The following UBE3A variants were observed in gnomAD, a reference collection of about 807,000 sequenced individuals.
UBE3A encodes the protein ubiquitin-protein ligase E3A.
UBE3A carries 6 observed loss-of-function variants against 83.4 expected under a neutral mutation model. That is an observed-to-expected ratio of 0.07 (90% CI 0.04 to 0.14). The LOEUF (loss-of-function observed/expected upper bound fraction) is 0.14, where lower values mean the gene tolerates loss of function less well. Among genes scored for constraint, UBE3A ranks in the 10% least tolerant of loss-of-function variants. The pLI, the probability that UBE3A is intolerant of heterozygous loss-of-function variation, is 1.00. For missense variants in UBE3A, 456 were observed against 1,036.1 expected, an observed-to-expected ratio of 0.44 and a Z score of 7.69; for synonymous variants, 337 against 355.4, an observed-to-expected ratio of 0.95 and a Z score of 0.58.
intron 1 of UBE3A, among the ~76,000 whole-genome samples, chr15:25,414,552 C>T (rs2153100841): frequency 6.6e-6 from 1 of 152,196 alleles, no homozygotes; most frequent in Middle Eastern, 3.4e-3. Flanking sequence ...AAAGGAAAAC[C>T]ATTCTTTATG....
At chr15:25,392,676 A>C (rs2084673984) in intron 4 of UBE3A, among the ~76,000 whole-genome samples, 1 of 152,162 alleles carries the variant, frequency 6.6e-6, no homozygotes, top group African/African-American at 2.4e-5. Context: ...AGCTGATGAC[A>C]CTATGGGTGG....
rs985098430 is a variant in UBE3A, at chr15:25,338,307, A to G, written c.*830T>C. 2.6e-5 allele frequency: 4 copies of G among 152,182 alleles called. No individual in the cohort carries two copies. The highest frequency in any genetic ancestry group is 9.7e-5 in the African/African-American group (4 of 41,446). 9.4% of individuals were successfully genotyped at this position (152,182 alleles called of 1,614,324 possible). Reference sequence around the variant, plus strand: ...TTTGGCCAAATGCACTTTCCCCAGTAAACTTAAAACAACAACGAGAACAAC... The same window carrying G: ...TTTGGCCAAATGCACTTTCCCCAGTGAACTTAAAACAACAACGAGAACAAC... On this transcript the variant is annotated 3_prime_UTR_variant, in exon 13 of 13. Transcript: ENST00000648336.
At chr15:25,432,307 A>G (rs1893708876) in intron 1 of UBE3A, among the ~76,000 whole-genome samples, 1 of 152,234 alleles carries the variant, frequency 6.6e-6, no homozygotes, top group African/African-American at 2.4e-5. Context: ...CTGCATCACA[A>G]AGATTATAAA....
intron 5 of UBE3A, chr15:25,373,534 T>C (rs889665412): frequency 2.0e-5 from 3 of 152,272 alleles, no homozygotes; most frequent in Non-Finnish European, 4.4e-5. Context: ...TGGAATGCAG[T>C]GGCACCATTT....
At chr15:25,341,107 T>G (rs1408159399) in intron 11 of UBE3A, among the ~76,000 whole-genome samples, 1 of 152,076 alleles carries the variant, frequency 6.6e-6, no homozygotes, top group Non-Finnish European at 1.5e-5. Flanking sequence ...TCTTGCTCTG[T>G]CGCTCAGGCT....
rs1300368392 is a variant in UBE3A at position 25,334,029 on chromosome 15, A to G, written c.*5108T>C. 1 of 152,144 alleles carries G rather than the reference A, an allele frequency of 6.6e-6. No homozygotes were observed. The highest frequency in any genetic ancestry group is 1.5e-5 in the Non-Finnish European group (1 of 68,026). 9.4% of individuals were successfully genotyped at this position (152,144 alleles called of 1,614,324 possible). ...GACTGAATGCTTTCCCCTTAAAATC[A>G]GGAACAAGAAAAAGATGTCTGCTCT... On this transcript the variant is annotated 3_prime_UTR_variant, in exon 13 of 13. Coordinates refer to ENST00000648336, the MANE Select transcript of UBE3A (RefSeq NM_130839.5).
At chr15:25,376,924 G>C (rs1277741989) in intron 4 of UBE3A, among the ~76,000 whole-genome samples, 6 of 152,114 alleles carry the variant, frequency 3.9e-5, no homozygotes, top group Non-Finnish European at 7.4e-5. Context: ...CAACACTAAA[G>C]AGTCTATGCT....
Position 25,388,730 on chromosome 15 carries a change from A to G in UBE3A, c.63-12967T>C, listed in dbSNP as rs183920433. Reference sequence around the variant, plus strand: ...ATTGAAAAAAAGAAAAAGAAAAACAACAAAAACCTCCTAGAACTAATAAGT... The same window carrying G: ...ATTGAAAAAAAGAAAAAGAAAAACAGCAAAAACCTCCTAGAACTAATAAGT... On this transcript the variant is annotated intron_variant, in intron 4 of 12. Transcript: ENST00000648336. Among the ~76,000 whole-genome samples, 1,096 of 152,266 alleles carry G rather than the reference A, an allele frequency of 7.2e-3. 13 individuals are homozygous for G. Among genetic ancestry groups the G allele is most frequent in the African/African-American group, 0.025 (1,042 of 41,540 alleles).
intron 7 of UBE3A, among the ~76,000 whole-genome samples, chr15:25,358,328 G>A (rs979960582): frequency 6.6e-6 from 1 of 151,754 alleles, no homozygotes. Flanking sequence ...GCAGTGAGCC[G>A]AGACAGAACC....
At chr15:25,420,616 A>C (rs1024845810) in intron 1 of UBE3A, 1 of 152,216 alleles carries the variant, frequency 6.6e-6, no homozygotes, top group African/African-American at 2.4e-5. Context: ...TTTTACACCC[A>C]TTAGAATGGC....
chr15:25,423,454 A>T (rs1269822480), intron 1 of UBE3A, among the ~76,000 whole-genome samples: 4 of 152,212 alleles, frequency 2.6e-5, no homozygotes, highest in Admixed American at 6.5e-5. Flanking sequence ...CAGAAAAAAT[A>T]ACAGGTACCA....
rs2080047869 is a variant in UBE3A, at chr15:25,370,036, G to A, written c.1608+530C>T. Among the ~76,000 whole-genome samples, 1 of 152,114 alleles carries A rather than the reference G, an allele frequency of 6.6e-6. No homozygotes were observed. Among genetic ancestry groups the A allele is most frequent in the Non-Finnish European group, 1.5e-5 (1 of 68,016 alleles). Reference sequence around the variant, plus strand: ...CAGCCAGGCAGTGCCGTCCACACAGGGATATTCTAAGTGGCCCAGCAGGAC... The same window carrying A: ...CAGCCAGGCAGTGCCGTCCACACAGAGATATTCTAAGTGGCCCAGCAGGAC... On this transcript the variant is annotated intron_variant, in intron 6 of 12. Transcript: ENST00000648336. This position sits in a 1 kb window ranked among gnomAD's most constrained non-coding sequence, Gnocchi z 4.2.
At chr15:25,348,700 A>T (rs902130763) in intron 11 of UBE3A, among the ~76,000 whole-genome samples, 2 of 152,166 alleles carry the variant, frequency 1.3e-5, no homozygotes, top group African/African-American at 4.8e-5. Context: ...AGCAGTATTT[A>T]AAAAATACCA....
At chr15:25,387,747 CAAAGGACAAAATAACTAATATCA>C (rs1200456318) in intron 4 of UBE3A, among the ~76,000 whole-genome samples, 6 of 151,932 alleles carry the variant, frequency 3.9e-5, no homozygotes, top group Non-Finnish European at 5.9e-5. Context: ...GAAAAAGAGA[CAAAGGACAAAATAACTAATATCA>C]GAATGAAAAG....
intron 4 of UBE3A, among the ~76,000 whole-genome samples, chr15:25,396,741 A>G (rs1176615538): frequency 6.6e-6 from 1 of 152,188 alleles, no homozygotes; most frequent in Non-Finnish European, 1.5e-5. Context: ...CTTAACTACA[A>G]AATGGTGTCC....
intron 4 of UBE3A, among the ~76,000 whole-genome samples, chr15:25,394,072 G>A (rs538344329): frequency 4.7e-4 from 72 of 152,112 alleles, no homozygotes; most frequent in African/African-American, 1.7e-3. Context: ...CATCCTCAAG[G>A]TTTCAGCTTA....
chr15:25,384,459 C>CAAAAAAAAAAAAAAAAAA (rs1306982756), intron 4 of UBE3A, among the ~76,000 whole-genome samples: 1 of 70,180 alleles, frequency 1.4e-5, no homozygotes, highest in Non-Finnish European at 3.3e-5. Context: ...GACTCTGTCT[C>CAAAAAAAAAAAAAAAAAA]AAAAAAAAAA....
intron 9 of UBE3A, 57 bp downstream of exon 9, chr15:25,355,835 T>C: frequency 6.6e-7 from 1 of 1,505,426 alleles, no homozygotes; most frequent in South Asian, 1.1e-5. Context: ...ATTATAAGCA[T>C]ACATGCTTTG....
rs1595342959 is a variant in UBE3A at position 25,337,600 on chromosome 15, C to T, written c.*1537G>A. The T allele has an allele frequency of 6.6e-6, 1 of 151,984 alleles. No individual in the cohort carries two copies. The highest frequency in any genetic ancestry group is 1.5e-5 in the Non-Finnish European group (1 of 67,970). The allele number at this position is 151,984 out of a possible 1,614,324, so 9.4% of individuals were successfully genotyped here. ...CCTGAAAGACATCCTTTTTCTCCCC[C>T]CAATGATTTGAAAGCTGCATTTTTC... On this transcript the variant is annotated 3_prime_UTR_variant, in exon 13 of 13. Coordinates refer to ENST00000648336, the MANE Select transcript of UBE3A (RefSeq NM_130839.5).
Sources: gnomAD v4.1 joint callset for allele counts (sites outside exome capture counted in the v4.1 genomes callset) on GRCh38, gnomAD v4.1.1 for gene constraint, Gnocchi (gnomAD v3.1) non-coding constraint, MANE v1.5 for transcripts, NCBI Gene and HGNC (gene_info 2026-07-23, HGNC 2026-07-21) for gene names.